The following CUX1 variants were observed in gnomAD, a reference collection of about 807,000 sequenced individuals.
The protein encoded by CUX1 is cut like homeobox 1.
CUX1 carries 31 observed loss-of-function variants against 158.8 expected under a neutral mutation model. The observed-to-expected ratio is 0.20, with a 90% CI of 0.15 to 0.26. CUX1 has a LOEUF of 0.26. Among genes scored for constraint, CUX1 ranks in the 10% least tolerant of loss-of-function variants. The pLI, the probability that CUX1 is intolerant of heterozygous loss-of-function variation, is 1.00. For missense variants in CUX1, 1,589 were observed against 2,014.6 expected (o/e 0.79, Z 4.04); for synonymous variants, 879 against 862.1 (o/e 1.02, Z -0.34).
intron 23 of CUX1, among the ~76,000 whole-genome samples, chr7:102,243,383 C>A (rs567954023): frequency 1.7e-4 from 26 of 152,076 alleles, no homozygotes; most frequent in African/African-American, 5.5e-4. Context: ...AATATGGGAT[C>A]CAAGAGATGA....
chr7:102,168,400 C>T (rs554088609), intron 9 of CUX1, among the ~76,000 whole-genome samples: 1 of 152,276 alleles, frequency 6.6e-6, no homozygotes, highest in South Asian at 2.1e-4. Flanking sequence ...GTAATCCCAG[C>T]ACTTTGGGAG....
At chr7:102,107,639 T>A (rs1830497245) in intron 6 of CUX1, among the ~76,000 whole-genome samples, 1 of 152,174 alleles carries the variant, frequency 6.6e-6, no homozygotes, top group African/African-American at 2.4e-5. Context: ...CAGTACATTC[T>A]CTCACTAATT....
chr7:102,067,976 G>C (rs1285831200), intron 3 of CUX1, among the ~76,000 whole-genome samples: 1 of 151,866 alleles, frequency 6.6e-6, no homozygotes, highest in Non-Finnish European at 1.5e-5. Flanking sequence ...AGCTGAGACT[G>C]CGCCACTGCA....
At chr7:101,940,620 A>G (rs941884011) in intron 2 of CUX1, among the ~76,000 whole-genome samples, 2 of 151,994 alleles carry the variant, frequency 1.3e-5, no homozygotes, top group African/African-American at 4.8e-5. Context: ...TTATATTGTC[A>G]TTTAATTCCT....
intron 8 of CUX1, among the ~76,000 whole-genome samples, chr7:102,131,967 C>T (rs1230755773): frequency 6.6e-6 from 1 of 152,068 alleles, no homozygotes; most frequent in East Asian, 1.9e-4. Context: ...CCACCACGCT[C>T]AGTTTAGATG....
intron 1 of CUX1, among the ~76,000 whole-genome samples, chr7:101,887,084 G>A (rs894722607): frequency 6.6e-5 from 10 of 152,244 alleles, no homozygotes; most frequent in East Asian, 3.9e-4. Context: ...GGTCAGTGCC[G>A]GACACTGCTG....
intron 20 of CUX1, among the ~76,000 whole-genome samples, chr7:102,216,542 A>ACC (rs1554524605): frequency 1.3e-5 from 1 of 76,652 alleles, no homozygotes. Context: ...CCCCACACAC[A>ACC]CACACCCACA....
intron 2 of CUX1, among the ~76,000 whole-genome samples, chr7:101,949,689 C>T (rs1808823320): frequency 6.6e-6 from 1 of 151,992 alleles, no homozygotes; most frequent in African/African-American, 2.4e-5. Flanking sequence ...CATCACCATG[C>T]CCAGCTAATT....
At chr7:101,831,011 G>A (rs972388340) in intron 1 of CUX1, among the ~76,000 whole-genome samples, 9 of 152,090 alleles carry the variant, frequency 5.9e-5, no homozygotes, top group African/African-American at 2.2e-4. Flanking sequence ...TCCTGTTCAA[G>A]CCCCTGGGTT....
chr7:102,266,545 C>T (rs937002854), intron 14 of CUX1, among the ~76,000 whole-genome samples: 5 of 151,964 alleles, frequency 3.3e-5, no homozygotes, highest in Non-Finnish European at 7.4e-5. Flanking sequence ...GAGGCATCGG[C>T]TTGTCAATGG....
chr7:102,010,981 C>T (rs559461643), intron 2 of CUX1, among the ~76,000 whole-genome samples: 13 of 151,996 alleles, frequency 8.6e-5, no homozygotes, highest in African/African-American at 2.9e-4. Flanking sequence ...GGCATGGTGG[C>T]ACATGCCTGT....
At chr7:102,116,974 C>T (rs1205343989) in intron 8 of CUX1, among the ~76,000 whole-genome samples, 1 of 152,152 alleles carries the variant, frequency 6.6e-6, no homozygotes, top group Non-Finnish European at 1.5e-5. Context: ...ACTGTTACGG[C>T]TCCATGGGGA....
Position 102,252,683 on chromosome 7 carries a change from G to GAC in CUX1, c.*3642_*3643dup. Reference sequence around the variant, plus strand: ...TGGCAGGTGTGTGAGTTCTGTCCTAGACCTGTGCCCAACTCACTTCCACCC... The same window carrying GAC: ...TGGCAGGTGTGTGAGTTCTGTCCTAGACACCTGTGCCCAACTCACTTCCACCC... On this transcript the variant is annotated 3_prime_UTR_variant, in exon 24 of 24. Coordinates refer to ENST00000292535, the MANE Select transcript of CUX1 (RefSeq NM_181552.4). The GAC allele has an allele frequency of 1.0e-6, 1 of 985,406 alleles. No individual in the cohort carries two copies. The highest frequency in any genetic ancestry group is 1.2e-6 in the Non-Finnish European group (1 of 829,952). The allele number at this position is 985,406 out of a possible 1,614,324, so 61.0% of individuals were successfully genotyped here.
intron 20 of CUX1, among the ~76,000 whole-genome samples, chr7:102,205,856 C>T (rs1220997659): frequency 6.6e-6 from 1 of 152,156 alleles, no homozygotes; most frequent in Non-Finnish European, 1.5e-5. Context: ...TGACCCATGG[C>T]CACGGCTCCC....
chr7:102,033,828 C>T (rs1208253276), intron 3 of CUX1, among the ~76,000 whole-genome samples: 1 of 152,012 alleles, frequency 6.6e-6, no homozygotes, highest in Non-Finnish European at 1.5e-5. Flanking sequence ...AAGACAAGAA[C>T]AGTACAAGAA....
chr7:102,235,593 T>C (rs1554532366), intron 22 of CUX1, among the ~76,000 whole-genome samples: 2 of 151,574 alleles, frequency 1.3e-5, no homozygotes, highest in South Asian at 2.1e-4. Flanking sequence ...TCCCAGCTAC[T>C]TGGGAGGCTG....
In CUX1 at chr7:102,040,284, G is replaced by A. The variant is rs542033548; in HGVS notation, c.189+12139G>A. 5.3e-5 allele frequency among the ~76,000 whole-genome samples: 8 copies of A among 152,268 alleles called. No homozygotes were observed. In the South Asian group the frequency reaches 8.3e-4, roughly 16 times the overall value. Reference sequence around the variant, plus strand: ...GGGAGGCCTCTCCAGGGAGGATGACGGAACATCAGAGGAAAGAAGCAAGGA... The same window carrying A: ...GGGAGGCCTCTCCAGGGAGGATGACAGAACATCAGAGGAAAGAAGCAAGGA... On this transcript the variant is annotated intron_variant, in intron 3 of 23. Transcript: ENST00000292535.
chr7:101,955,256 G>T (rs780501143), intron 2 of CUX1, among the ~76,000 whole-genome samples: 4 of 152,026 alleles, frequency 2.6e-5, no homozygotes. Context: ...TCTCCCTGTT[G>T]GACCATTGCT....
In CUX1 at chr7:102,130,731, A is replaced by C. The variant is rs191563397; in HGVS notation, c.674+15458A>C. Among the ~76,000 whole-genome samples the C allele has an allele frequency of 4.6e-5, 7 of 152,290 alleles. No homozygotes were observed. In the East Asian group the frequency reaches 1.3e-3, roughly 29 times the overall value. On this transcript the variant is annotated intron_variant, in intron 8 of 23. Coordinates refer to ENST00000292535, the MANE Select transcript of CUX1 (RefSeq NM_181552.4). ...AATCCTTGCTATCCAAATAGCCTGA[A>C]GCACAAAAGCACAGCTTATTCTTGA...
Sources: gnomAD v4.1 joint callset for allele counts (sites outside exome capture counted in the v4.1 genomes callset) on GRCh38, gnomAD v4.1.1 for gene constraint, MANE v1.5 for transcripts, NCBI Gene and HGNC (gene_info 2026-07-23, HGNC 2026-07-21) for gene names.